Variants in NLGN1 observed in about 807,000 individuals in gnomAD.
The protein encoded by NLGN1 is neuroligin 1.
NLGN1 carries 12 observed loss-of-function variants against 65.5 expected under a neutral mutation model. The ratio of observed to expected loss-of-function variants is 0.18; its 90% CI spans 0.12 to 0.30. The LOEUF is 0.30. Among genes scored for constraint, NLGN1 ranks in the 10% least tolerant of loss-of-function variants. The pLI, the probability that NLGN1 is intolerant of heterozygous loss-of-function variation, is 1.00. For synonymous variants in NLGN1, 350 were observed against 359.5 expected, an observed-to-expected ratio of 0.97 and a Z score of 0.30; for missense variants, 750 against 1,007.1, an observed-to-expected ratio of 0.74 and a Z score of 3.46.
chr3:173,857,367 G>T (rs1728195556), intron 4 of NLGN1, among the ~76,000 whole-genome samples: 1 of 152,014 alleles, frequency 6.6e-6, no homozygotes, highest in South Asian at 2.1e-4. Flanking sequence ...AATATCCCCA[G>T]CTTCATGGTT....
intron 4 of NLGN1, among the ~76,000 whole-genome samples, chr3:174,153,959 C>G (rs542634307): frequency 6.6e-6 from 1 of 152,152 alleles, no homozygotes; most frequent in Admixed American, 6.6e-5. Context: ...GTGAATTTCT[C>G]TATTTGTGTA....
At position 173,470,427 on chromosome 3, in the gene NLGN1, C is replaced by A. The variant is rs369166995; in HGVS notation, c.-321+35349C>A. ...ATTCACCCATGGCCCAGCTTAAATACATATTTTTGTTTTTGCTTCCCTGAC... is the reference window on the plus strand; with the variant it reads ...ATTCACCCATGGCCCAGCTTAAATAAATATTTTTGTTTTTGCTTCCCTGAC... On this transcript the variant is annotated intron_variant, in intron 2 of 6. Transcript: ENST00000457714. Among the ~76,000 whole-genome samples, 5 of 152,168 alleles carry A rather than the reference C, an allele frequency of 3.3e-5. No homozygotes were observed. The East Asian group carries it at 5.8e-4, about 18-fold the overall frequency.
At chr3:173,831,817 G>A (rs905403124) in intron 4 of NLGN1, among the ~76,000 whole-genome samples, 14 of 152,214 alleles carry the variant, frequency 9.2e-5, no homozygotes, top group African/African-American at 3.4e-4. Context: ...TTATAATTCA[G>A]TAGAGACACA....
chr3:174,162,761 C>T (rs1726780632), intron 4 of NLGN1, among the ~76,000 whole-genome samples: 1 of 150,478 alleles, frequency 6.6e-6, no homozygotes, highest in African/African-American at 2.4e-5. Flanking sequence ...GTGAGCTTCC[C>T]ATGGATTCCT....
chr3:174,195,927 G>C (rs1733329706), intron 4 of NLGN1, among the ~76,000 whole-genome samples: 1 of 152,162 alleles, frequency 6.6e-6, no homozygotes, highest in Non-Finnish European at 1.5e-5. Flanking sequence ...CACACCTGGA[G>C]AGTAAACGTA....
At chr3:173,725,183 A>T (rs914618044) in intron 3 of NLGN1, among the ~76,000 whole-genome samples, 3 of 152,166 alleles carry the variant, frequency 2.0e-5, no homozygotes. Context: ...ATAATAATAA[A>T]AAAAGAAAAA....
chr3:173,727,018 C>T (rs1395885725), intron 3 of NLGN1, among the ~76,000 whole-genome samples: 2 of 149,548 alleles, frequency 1.3e-5, no homozygotes, highest in African/African-American at 4.9e-5. Flanking sequence ...AAAGCAGGAA[C>T]AGAAAAGGAG....
rs180851028 is a variant in NLGN1 at position 173,399,172 on chromosome 3, G to A, written c.-390+685G>A. 2.0e-5 allele frequency among the ~76,000 whole-genome samples: 3 copies of A among 152,302 alleles called. No homozygotes were observed. In the East Asian group the frequency reaches 5.8e-4, roughly 29 times the overall value. ...CTGCAGAGTGATTGAGTGATTCACA[G>A]AGAAAGTGGAAGTTAATCATTACTC... On this transcript the variant is annotated intron_variant, in intron 1 of 6. Transcript: ENST00000457714.
intron 3 of NLGN1, among the ~76,000 whole-genome samples, chr3:173,764,568 G>C (rs896053372): frequency 1.3e-5 from 2 of 152,158 alleles, no homozygotes; most frequent in African/African-American, 4.8e-5. Context: ...TTATTTTTCA[G>C]ATGGCATTGT....
chr3:173,733,935 G>A (rs910830677), intron 3 of NLGN1, among the ~76,000 whole-genome samples: 1 of 151,914 alleles, frequency 6.6e-6, no homozygotes, highest in African/African-American at 2.4e-5. Context: ...TAGTGAATGA[G>A]CATAAAACCT....
rs145296808 is a variant in NLGN1, at chr3:174,123,681, G to A, written c.647-151634G>A. Among the ~76,000 whole-genome samples the A allele has an allele frequency of 5.8e-3, 884 of 151,998 alleles. 14 individuals carry two copies. Among genetic ancestry groups the A allele is most frequent in the African/African-American group, 0.02 (845 of 41,432 alleles). ...TCATACACTGGTGAATATCATAGCC[G>A]GCACCCATTTAATCTATTCTGCCTA... On this transcript the variant is annotated intron_variant, in intron 4 of 6. Transcript: ENST00000457714.
At chr3:174,113,090 G>A (rs1008361761) in intron 4 of NLGN1, among the ~76,000 whole-genome samples, 1 of 151,788 alleles carries the variant, frequency 6.6e-6, no homozygotes, top group African/African-American at 2.4e-5. Flanking sequence ...AGGAAGAAGA[G>A]GCTACTTAAA....
At chr3:173,860,997 A>T (rs1026264870) in intron 4 of NLGN1, among the ~76,000 whole-genome samples, 1 of 152,106 alleles carries the variant, frequency 6.6e-6, no homozygotes, top group South Asian at 2.1e-4. Flanking sequence ...CAAACAAGAA[A>T]TCTTTTAGTG....
At chr3:174,006,558 C>A (rs949309117) in intron 4 of NLGN1, among the ~76,000 whole-genome samples, 1 of 152,144 alleles carries the variant, frequency 6.6e-6, no homozygotes, top group East Asian at 1.9e-4. Flanking sequence ...CTCCTACTTA[C>A]AATTTTTCAG....
chr3:173,491,563 T>G (rs1373767037), intron 2 of NLGN1, among the ~76,000 whole-genome samples: 3 of 151,746 alleles, frequency 2.0e-5, no homozygotes, highest in Admixed American at 6.6e-5. Context: ...TCACTTTTTT[T>G]GTTGTGTATC....
At chr3:174,248,214 T>A (rs373577406) in intron 4 of NLGN1, among the ~76,000 whole-genome samples, 9 of 152,230 alleles carry the variant, frequency 5.9e-5, no homozygotes, top group East Asian at 3.8e-4. Flanking sequence ...ACTTTTTTTT[T>A]ATTCTATAAA....
At chr3:173,940,169 A>C (rs1579306224) in intron 4 of NLGN1, among the ~76,000 whole-genome samples, 1 of 139,896 alleles carries the variant, frequency 7.1e-6, no homozygotes, top group Non-Finnish European at 1.5e-5. Context: ...GCTCACTGCA[A>C]CCTCCGCCTC....
intron 2 of NLGN1, among the ~76,000 whole-genome samples, chr3:173,506,101 C>T (rs1041714349): frequency 6.6e-6 from 1 of 152,046 alleles, no homozygotes; most frequent in Non-Finnish European, 1.5e-5. Flanking sequence ...AACCTTGAAC[C>T]TTGACCATAT....
chr3:173,929,210 C>A (rs144984206), intron 4 of NLGN1, among the ~76,000 whole-genome samples: 2 of 152,184 alleles, frequency 1.3e-5, no homozygotes, highest in South Asian at 2.1e-4. Flanking sequence ...AGGAGCAAAG[C>A]GCTCCTTGCC....
Sources: gnomAD v4.1 joint callset for allele counts (sites outside exome capture counted in the v4.1 genomes callset) on GRCh38, gnomAD v4.1.1 for gene constraint, MANE v1.5 for transcripts, NCBI Gene and HGNC (gene_info 2026-07-23, HGNC 2026-07-21) for gene names.